The following ATP1A4 variants were observed in gnomAD, a reference collection of about 807,000 sequenced individuals.
ATP1A4 encodes the protein sodium/potassium-transporting ATPase subunit alpha-4.
A neutral mutation model predicts 114.3 loss-of-function variants in ATP1A4; 90 were observed. That is an observed-to-expected ratio of 0.79 (90% CI 0.66 to 0.94). The LOEUF is 0.94. ATP1A4 is among the 40% of genes least tolerant of loss of function. The pLI is 0.00. For synonymous variants in ATP1A4, 511 were observed against 494.1 expected, an observed-to-expected ratio of 1.03 and a Z score of -0.45; for missense variants, 1,222 against 1,313.6, an observed-to-expected ratio of 0.93 and a Z score of 1.08.
At chr1:160,181,636 T>C in intron 18 of ATP1A4, 48 bp from the exon 19 acceptor site, 1 of 1,608,824 alleles carries the variant, frequency 6.2e-7, no homozygotes, top group Non-Finnish European at 8.5e-7. Context: ...CCTTAGGGTG[T>C]ACAGAATCCC....
chr1:160,173,502 T>C, intron 12 of ATP1A4, 79 bp from the exon 13 acceptor site: 1 of 1,558,322 alleles, frequency 6.4e-7, no homozygotes, highest in South Asian at 1.2e-5. Flanking sequence ...CAGTGGTCTG[T>C]CAGTTCTCAG....
intron 4 of ATP1A4, among the ~76,000 whole-genome samples, chr1:160,158,673 C>A (rs1201529293): frequency 6.6e-6 from 1 of 152,172 alleles, no homozygotes. Context: ...AGCCACCAGT[C>A]ACGGCCTGAA....
intron 6 of ATP1A4, 73 bp from the exon 7 acceptor site, chr1:160,164,083 G>C (rs1420474570): frequency 6.5e-7 from 1 of 1,542,436 alleles, no homozygotes; most frequent in Non-Finnish European, 8.8e-7. Flanking sequence ...GTCAGGAAGT[G>C]GGGGCAGAGA....
At position 160,167,066 on chromosome 1, in the gene ATP1A4, C is replaced by T. The variant is rs1335796404; in HGVS notation, c.1345C>T (p.Pro449Ser). 8.1e-6 allele frequency: 13 copies of T among 1,613,840 alleles called. No individual in the cohort carries two copies. Among genetic ancestry groups the T allele is most frequent in the Admixed American group, 3.3e-5 (2 of 59,980 alleles). ...CTTTAAGGCTAATCAGGAGATCCTG[C>T]CCATTGCTAAGGTGTCAGGCCCAAG... The part of the protein sequence containing the change: ...ADFKANQEIL[P>S]IAKRATTGDA... Residue 449 changes from proline to serine, a missense_variant, in exon 9 of 22, where the codon CCC becomes TCC. Pro to Ser is a moderately conservative substitution (Grantham distance 74). Coordinates refer to ENST00000368081, the MANE Select transcript of ATP1A4 (RefSeq NM_144699.4).
At chr1:160,152,516 C>T (rs1368783566) in intron 1 of ATP1A4, among the ~76,000 whole-genome samples, 1 of 152,034 alleles carries the variant, frequency 6.6e-6, no homozygotes, top group Non-Finnish European at 1.5e-5. Flanking sequence ...GGCAGGATAT[C>T]GATAAGATGT....
chr1:160,183,257 G>A (rs903033291), intron 20 of ATP1A4: 1 of 152,162 alleles, frequency 6.6e-6, no homozygotes, highest in Non-Finnish European at 1.5e-5. Flanking sequence ...AGATTTACAC[G>A]TAGAAATGGG....
intron 17 of ATP1A4, 138 bp downstream of exon 17, chr1:160,176,740 C>A: frequency 8.6e-7 from 1 of 1,168,828 alleles, no homozygotes. Context: ...CACAAAGAAC[C>A]ACTCATCTCT....
chr1:160,176,007 T>G, intron 15 of ATP1A4, 85 bp from the exon 16 acceptor site: 2 of 1,400,970 alleles, frequency 1.4e-6, no homozygotes, highest in Non-Finnish European at 2.0e-6. Flanking sequence ...GACACTTCTT[T>G]GAGGTGGCCT....
intron 7 of ATP1A4, among the ~76,000 whole-genome samples, chr1:160,166,195 G>A (rs1371342006): frequency 6.6e-6 from 1 of 152,188 alleles, no homozygotes; most frequent in Non-Finnish European, 1.5e-5. Flanking sequence ...GCTTTAACCT[G>A]GGGGATGGAG....
At chr1:160,166,941 C>T (rs1653061419) in intron 8 of ATP1A4, 27 bp from the exon 9 acceptor site, 1 of 1,606,642 alleles carries the variant, frequency 6.2e-7, no homozygotes, top group African/African-American at 1.3e-5. Context: ...ATTCCCTGCT[C>T]ACAATTCTTC....
At chr1:160,176,670 T>C in intron 17 of ATP1A4, 68 bp downstream of exon 17, 2 of 1,589,388 alleles carry the variant, frequency 1.3e-6, no homozygotes, top group Middle Eastern at 1.9e-4. Flanking sequence ...ACGTGAGCCA[T>C]CTCAGTTTGG....
At chr1:160,159,317 G>A (rs575227172) in intron 5 of ATP1A4, 92 bp from the exon 6 acceptor site, 92 of 1,361,236 alleles carry the variant, frequency 6.8e-5, no homozygotes, top group Non-Finnish European at 8.9e-5. Context: ...CAGTGATGAT[G>A]TTGGTGACCA....
At position 160,174,135 on chromosome 1, in the gene ATP1A4, T is replaced by C. The variant is rs1019474610; in HGVS notation, c.2016T>C (p.His672=). ...DASAAKAIVV[H]GAELKDIQSK... is the part of the protein sequence containing the mutation. ...GTGCTGCCAAAGCCATTGTGGTGCA[T>C]GGTGCAGAACTGAAGGACATACAGT... The change falls in exon 14 of 22, where the codon CAT becomes CAC. Residue 672 remains histidine, a synonymous_variant. Coordinates refer to ENST00000368081, the MANE Select transcript of ATP1A4 (RefSeq NM_144699.4). The C allele has an allele frequency of 1.2e-6, 2 of 1,614,026 alleles. No individual in the cohort carries two copies. The highest frequency in any genetic ancestry group is 8.5e-7 in the Non-Finnish European group (1 of 1,179,976).
Position 160,156,879 on chromosome 1 carries a change from G to A in ATP1A4, c.525+721G>A, listed in dbSNP as rs749308043. Among the ~76,000 whole-genome samples the A allele has an allele frequency of 7.2e-5, 11 of 152,188 alleles. 1 individual carries two copies. Among genetic ancestry groups the A allele is most frequent in the South Asian group, 2.1e-4 (1 of 4,832 alleles). On this transcript the variant is annotated intron_variant, in intron 4 of 21. Coordinates refer to ENST00000368081, the MANE Select transcript of ATP1A4 (RefSeq NM_144699.4). ...TGTAATCCCAACCGTTTGGGGGACC[G>A]AGGCAAGAGCACTACTTGAGTCCAG...
Position 160,164,405 on chromosome 1 carries a change from G to A in ATP1A4, c.1028G>A (p.Gly343Glu). 6.2e-7 allele frequency: 1 copy of A among 1,614,160 alleles called. No individual in the cohort carries two copies. Among genetic ancestry groups the A allele is most frequent in the Non-Finnish European group, 8.5e-7 (1 of 1,180,024 alleles). ...IGIIVANVPE[G>E]LLATVTVCLT... ...ATCATTGTGGCCAATGTGCCTGAGG[G>A]GCTGTTGGCCACAGTCACTGTGAGT... The change falls in exon 7 of 22, where the codon GGG (glycine) becomes GAG (glutamate). Residue 343 changes from glycine to glutamate, a missense_variant. Transcript: ENST00000368081.
In ATP1A4 at chr1:160,166,650, C is replaced by T; in HGVS notation, c.1170C>T (p.Thr390=). The change falls in exon 8 of 22, where the codon ACC becomes ACT. Residue 390 remains threonine (T), a synonymous_variant. Coordinates refer to ENST00000368081, the MANE Select transcript of ATP1A4 (RefSeq NM_144699.4). ...GCTCAGACAAGACGGGCACCCTCAC[C>T]CAGAACCGCATGACCGTCGCCCACA... ...TICSDKTGTL[T]QNRMTVAHMW... The T allele has an allele frequency of 6.2e-7, 1 of 1,614,188 alleles. No individual in the cohort carries two copies. Among genetic ancestry groups the T allele is most frequent in the Non-Finnish European group, 8.5e-7 (1 of 1,180,036 alleles).
At chr1:160,166,886 C>A in intron 8 of ATP1A4, 82 bp from the exon 9 acceptor site, 4 of 1,513,124 alleles carry the variant, frequency 2.6e-6, no homozygotes, top group Non-Finnish European at 3.7e-6. Flanking sequence ...TGTGAAGTAT[C>A]TGGGTGCCAA....
chr1:160,159,008 C>A lies in ATP1A4; in HGVS notation c.532C>A (p.Leu178Met). The change falls in exon 5 of 22, where the codon CTG (leucine) becomes ATG (methionine). Residue 178 changes from leucine to methionine, a missense_variant. Transcript: ENST00000368081. Reference protein sequence around the residue: ...SFKNMVPQQALVIRGGEKMQI... With the variant: ...SFKNMVPQQAMVIRGGEKMQI... ...CTGCACTATCCTCTCATAGCAAGCT[C>A]TGGTAATTCGAGGAGGAGAGAAGAT... 6.2e-7 allele frequency: 1 copy of A among 1,613,752 alleles called. No individual in the cohort carries two copies. The highest frequency in any genetic ancestry group is 1.1e-5 in the South Asian group (1 of 91,016).
At chr1:160,183,029 AAT>A (rs1313261923) in intron 20 of ATP1A4, 1 of 152,200 alleles carries the variant, frequency 6.6e-6, no homozygotes, top group Non-Finnish European at 1.5e-5. Context: ...CATCCCTTGT[AAT>A]GTTTTACACG....
Sources: allele counts gnomAD v4.1 joint callset (sites outside exome capture counted in the v4.1 genomes callset), GRCh38; gene constraint gnomAD v4.1.1; transcripts MANE v1.5; gene names NCBI Gene and HGNC (gene_info 2026-07-23, HGNC 2026-07-21).